The following PTPN3 variants were observed in gnomAD, a reference collection of about 807,000 sequenced individuals.
The protein encoded by PTPN3 is protein tyrosine phosphatase non-receptor type 3.
Under a neutral mutation model 132.7 loss-of-function variants are expected in PTPN3, and 96 were observed. That is an observed-to-expected ratio of 0.72 (90% CI 0.61 to 0.86). PTPN3 has a LOEUF of 0.86. Among genes scored for constraint, PTPN3 ranks in the 40% least tolerant of loss-of-function variants. PTPN3 has a pLI of 0.00. For missense variants in PTPN3, 1,125 were observed against 1,159.6 expected, an observed-to-expected ratio of 0.97 and a Z score of 0.43; for synonymous variants, 398 against 429.0, an observed-to-expected ratio of 0.93 and a Z score of 0.89.
chr9:109,405,692 C>A (rs983505131), intron 18 of PTPN3, among the ~76,000 whole-genome samples: 3 of 152,148 alleles, frequency 2.0e-5, no homozygotes, highest in Non-Finnish European at 2.9e-5. Context: ...TGGGTTCAAG[C>A]GATTCTCCTG....
At chr9:109,451,945 T>C (rs1411152337) in intron 5 of PTPN3, among the ~76,000 whole-genome samples, 1 of 152,154 alleles carries the variant, frequency 6.6e-6, no homozygotes, top group Non-Finnish European at 1.5e-5. Context: ...GTACAATCAA[T>C]TTAATGCGTC....
Position 109,433,251 on chromosome 9 carries a change from G to A in PTPN3, c.676-90C>T, listed in dbSNP as rs1249924368. On this transcript the variant is annotated intron_variant, in intron 9 of 25. Transcript: ENST00000374541. Reference sequence around the variant, plus strand: ...TAAAGCACCCACGCTGTTATAAATAGTCATATGTATAGGCTCCAAATGGGA... The same window carrying A: ...TAAAGCACCCACGCTGTTATAAATAATCATATGTATAGGCTCCAAATGGGA... 1.4e-5 allele frequency: 22 copies of A among 1,541,086 alleles called. No individual in the cohort carries two copies. The East Asian group carries it at 4.5e-4, about 31-fold the overall frequency.
rs921314421 is a variant in PTPN3 at position 109,389,091 on chromosome 9, T to C, written c.2253+142A>G. Reference sequence around the variant, plus strand: ...AGCCTCCCGTCACTAGGGGTGTCTATTGGTTGCTCTGTAGAGGAGACTTAG... The same window carrying C: ...AGCCTCCCGTCACTAGGGGTGTCTACTGGTTGCTCTGTAGAGGAGACTTAG... On this transcript the variant is annotated intron_variant, in intron 22 of 25. Transcript: ENST00000374541. 7.5e-6 allele frequency: 8 copies of C among 1,068,094 alleles called. No homozygotes were observed. In the South Asian group the frequency reaches 1.4e-4, roughly 19 times the overall value. The allele number at this position is 1,068,094 out of a possible 1,614,324, so 66.2% of individuals were successfully genotyped here.
At chr9:109,419,667 C>T (rs1478410990) in intron 14 of PTPN3, among the ~76,000 whole-genome samples, 1 of 152,080 alleles carries the variant, frequency 6.6e-6, no homozygotes, top group Non-Finnish European at 1.5e-5. Context: ...AGAGAAGGTC[C>T]TATACAAGAA....
chr9:109,397,375 T>C (rs948158069), intron 19 of PTPN3, among the ~76,000 whole-genome samples: 8 of 152,202 alleles, frequency 5.3e-5, no homozygotes, highest in Non-Finnish European at 1.0e-4. Context: ...GTGCCAACCA[T>C]GTGAATAAAG....
At chr9:109,420,302 C>A in intron 14 of PTPN3, 122 bp downstream of exon 14, 1 of 1,022,408 alleles carries the variant, frequency 9.8e-7, no homozygotes, top group Non-Finnish European at 1.4e-6. Context: ...GCAGAAGGCA[C>A]CTGTGGGAGC....
At chr9:109,449,398 T>C (rs1410492640) in intron 5 of PTPN3, 1 of 985,742 alleles carries the variant, frequency 1.0e-6, no homozygotes, top group African/African-American at 1.7e-5. Context: ...TGTGGGTGCA[T>C]GAGCAAAAGC....
At chr9:109,500,607 C>T (rs1255997279), upstream of PTPN3, among the ~76,000 whole-genome samples, 1 of 145,612 alleles carries the variant, frequency 6.9e-6, no homozygotes, top group South Asian at 2.3e-4. Flanking sequence ...AGGGAAAACA[C>T]GGTACAATGT....
intron 7 of PTPN3, among the ~76,000 whole-genome samples, chr9:109,442,868 A>G (rs1372697255): frequency 6.6e-6 from 1 of 152,148 alleles, no homozygotes; most frequent in Non-Finnish European, 1.5e-5. Flanking sequence ...ACCTAGGTAT[A>G]TGGCTCCAGT....
chr9:109,399,959 T>TA (rs1434942023), intron 19 of PTPN3, among the ~76,000 whole-genome samples: 2 of 150,294 alleles, frequency 1.3e-5, no homozygotes, highest in Non-Finnish European at 3.0e-5. Context: ...TTTTTTTTTT[T>TA]AGCTGTTATC....
intron 22 of PTPN3, among the ~76,000 whole-genome samples, chr9:109,387,947 G>C (rs1243321632): frequency 6.6e-6 from 1 of 152,192 alleles, no homozygotes; most frequent in Non-Finnish European, 1.5e-5. Flanking sequence ...GTATCTCGTG[G>C]GGAAGTGTCC....
At chr9:109,537,315 T>C in the PTPN3 span, among the ~76,000 whole-genome samples, 1 of 152,200 alleles carries the variant, frequency 6.6e-6, no homozygotes, top group African/African-American at 2.4e-5. Context: ...AACCCCCTCC[T>C]CAACTTCTTA....
intron 14 of PTPN3, among the ~76,000 whole-genome samples, chr9:109,418,827 T>C (rs1015077509): frequency 6.6e-6 from 1 of 152,172 alleles, no homozygotes; most frequent in Non-Finnish European, 1.5e-5. Context: ...AAGGTTTAGA[T>C]GCTGTACAAT....
chr9:109,380,979 C>G (rs1839027404), intron 25 of PTPN3, among the ~76,000 whole-genome samples: 1 of 152,060 alleles, frequency 6.6e-6, no homozygotes. Context: ...TCCAGTTCTC[C>G]TACTAGATAC....
At chr9:109,385,556 C>G (rs576124189) in intron 22 of PTPN3, among the ~76,000 whole-genome samples, 14 of 152,244 alleles carry the variant, frequency 9.2e-5, no homozygotes, top group African/African-American at 3.4e-4. Flanking sequence ...TGTCAGATCA[C>G]AGAGAGAGGA....
Position 109,410,312 on chromosome 9 carries a change from C to T in PTPN3, c.1417G>A (p.Val473Ile), listed in dbSNP as rs141350094. The change falls in exon 15 of 26, where the codon GTT becomes ATT. Residue 473 changes from valine (V) to isoleucine (I), a missense_variant. By Grantham distance (29) the Val-to-Ile change is conservative. Coordinates refer to ENST00000374541, the MANE Select transcript of PTPN3 (RefSeq NM_002829.4). Reference protein sequence around the residue: ...NAPGSCSPDGVDQQLLDDFHR... With the variant: ...NAPGSCSPDGIDQQLLDDFHR... ...AAGTCATCTAAGAGCTGCTGATCAA[C>T]GCCGTCAGGTGAGCAGGAGCCTGGA... The T allele has an allele frequency of 9.0e-5, 146 of 1,614,034 alleles. 2 individuals are homozygous for T. Among genetic ancestry groups the T allele is most frequent in the African/African-American group, 5.2e-4 (39 of 74,916 alleles).
chr9:109,534,260 C>T, the PTPN3 span: 4 of 1,533,786 alleles, frequency 2.6e-6, no homozygotes, highest in Non-Finnish European at 3.5e-6. Context: ...GGCGTGGTGT[C>T]ACCGGCGCTG....
intron 5 of PTPN3, among the ~76,000 whole-genome samples, chr9:109,452,338 T>TTTATA (rs1845312802): frequency 6.6e-6 from 1 of 151,922 alleles, no homozygotes; most frequent in African/African-American, 2.4e-5. Flanking sequence ...TTACTATAGT[T>TTTATA]TTATAAAACG....
chr9:109,467,639 G>GA (rs200003831), intron 1 of PTPN3, among the ~76,000 whole-genome samples: 1,803 of 152,276 alleles, frequency 0.012, 15 homozygotes, highest in Non-Finnish European at 0.02. Context: ...ACCCCAGGCA[G>GA]AAAAAAACTA....
Sources: gnomAD v4.1 joint callset for allele counts (sites outside exome capture counted in the v4.1 genomes callset) on GRCh38, gnomAD v4.1.1 for gene constraint, MANE v1.5 for transcripts, NCBI Gene and HGNC (gene_info 2026-07-23, HGNC 2026-07-21) for gene names.